The following PTGFRN variants were observed in gnomAD, a reference collection of about 807,000 sequenced individuals.
PTGFRN encodes prostaglandin F2 receptor inhibitor.
A neutral mutation model predicts 83.2 loss-of-function variants in PTGFRN; 35 were observed. The observed-to-expected ratio is 0.42, with a 90% CI of 0.32 to 0.56. The LOEUF is 0.56. PTGFRN is among the 20% of genes least tolerant of loss of function. PTGFRN has a pLI of 0.11. For synonymous variants in PTGFRN, 519 were observed against 498.6 expected (o/e 1.04, Z -0.55); for missense variants, 1,051 against 1,179.5 (o/e 0.89, Z 1.60).
chr1:116,935,286 GTTAC>G (rs1014879858), intron 1 of PTGFRN, among the ~76,000 whole-genome samples: 6 of 152,162 alleles, frequency 3.9e-5, no homozygotes, highest in Admixed American at 3.9e-4. Context: ...GAAGCTCTGA[GTTAC>G]TTACTTCTAC....
At chr1:116,910,524 T>A (rs1352545884) in intron 1 of PTGFRN, among the ~76,000 whole-genome samples, 3 of 151,128 alleles carry the variant, frequency 2.0e-5, no homozygotes, top group African/African-American at 7.3e-5. Flanking sequence ...CCGGGGGGAG[T>A]GGCCCGGGGC....
rs1023970536 is a variant in PTGFRN at position 116,989,556 on chromosome 1, C to T, written c.*2589C>T. 3 of 152,554 alleles carry T rather than the reference C, an allele frequency of 2.0e-5. No homozygotes were observed. Among genetic ancestry groups the T allele is most frequent in the African/African-American group, 7.2e-5 (3 of 41,418 alleles). 9.5% of individuals were successfully genotyped at this position (152,554 alleles called of 1,614,324 possible). On this transcript the variant is annotated 3_prime_UTR_variant, in exon 9 of 9. Transcript: ENST00000393203. ...GCCGCGTCTCACACAGGTGGAATTGCACTTCTTAACAAAAAGGAACTTTAT... is the reference window on the plus strand; with the variant it reads ...GCCGCGTCTCACACAGGTGGAATTGTACTTCTTAACAAAAAGGAACTTTAT...
intron 1 of PTGFRN, among the ~76,000 whole-genome samples, 159 bp downstream of exon 1, chr1:116,910,411 A>T (rs1649236669): frequency 6.7e-6 from 1 of 148,316 alleles, no homozygotes; most frequent in Non-Finnish European, 1.5e-5. Flanking sequence ...CCCGGCGGGG[A>T]GCGGCCGCGG....
intron 6 of PTGFRN, among the ~76,000 whole-genome samples, chr1:116,968,283 A>AG (rs35719577): frequency 0.17 from 26,028 of 152,140 alleles, 2,418 homozygotes; most frequent in Middle Eastern, 0.24. Flanking sequence ...CAATTGAATC[A>AG]TACAATGAAT....
At chr1:116,948,653 A>G (rs1650260240) in intron 3 of PTGFRN, among the ~76,000 whole-genome samples, 1 of 152,226 alleles carries the variant, frequency 6.6e-6, no homozygotes, top group South Asian at 2.1e-4. Context: ...TGTACCAGTC[A>G]GAAGCAAGTC....
intron 3 of PTGFRN, among the ~76,000 whole-genome samples, chr1:116,946,561 T>A (rs1315199413): frequency 6.6e-6 from 1 of 152,232 alleles, no homozygotes; most frequent in East Asian, 1.9e-4. Flanking sequence ...TAAAGACATT[T>A]TTTGTTTCAA....
chr1:116,944,710 C>T lies in PTGFRN; in HGVS notation c.450C>T (p.Ser150=). Residue 150 remains serine (S), a synonymous_variant, in exon 3 of 9, where the codon AGC becomes AGT. Transcript: ENST00000393203. ...CCGACTCCCTGCACGTGGGCCCCAG[C>T]GCGCGGCCCCCGCCGAGCCTGAGCC... is the stretch of plus-strand genomic sequence containing the variant. ...VLADSLHVGP[S]ARPPPSLSLR... The T allele has an allele frequency of 2.8e-6, 4 of 1,416,926 alleles. No individual in the cohort carries two copies. The highest frequency in any genetic ancestry group is 2.7e-6 in the Non-Finnish European group (3 of 1,091,086). The allele number at this position is 1,416,926 out of a possible 1,614,324, so 87.8% of individuals were successfully genotyped here. A position where few individuals can be genotyped will look rare whatever the true frequency, so the allele number is the denominator to read the frequency against.
rs1301877451 is a variant in PTGFRN, at chr1:116,988,823, G to A, written c.*1856G>A. 6.6e-6 allele frequency: 1 copy of A among 152,506 alleles called. No homozygotes were observed. Among genetic ancestry groups the A allele is most frequent in the African/African-American group, 2.4e-5 (1 of 41,450 alleles). 9.4% of individuals were successfully genotyped at this position (152,506 alleles called of 1,614,324 possible). On this transcript the variant is annotated 3_prime_UTR_variant, in exon 9 of 9. Transcript: ENST00000393203. ...AGCCTTTCCTTGGCCCGGGCCTGTGGTGGGAAGACGGGCAACAAGTATACC... is the reference window on the plus strand; with the variant it reads ...AGCCTTTCCTTGGCCCGGGCCTGTGATGGGAAGACGGGCAACAAGTATACC...
At chr1:116,931,999 T>C (rs1311795970) in intron 1 of PTGFRN, among the ~76,000 whole-genome samples, 1 of 152,210 alleles carries the variant, frequency 6.6e-6, no homozygotes, top group African/African-American at 2.4e-5. Context: ...ATCTTACAAA[T>C]GGTTCAGATT....
intron 1 of PTGFRN, among the ~76,000 whole-genome samples, chr1:116,921,671 T>G (rs980358867): frequency 1.1e-4 from 16 of 152,282 alleles, no homozygotes; most frequent in Middle Eastern, 3.4e-3. Context: ...AAGGGAATAT[T>G]GACTCTGTTT....
intron 4 of PTGFRN, 26 bp downstream of exon 4, chr1:116,949,598 A>T: frequency 6.3e-7 from 1 of 1,594,158 alleles, no homozygotes; most frequent in Admixed American, 1.7e-5. Context: ...AATGACTCTT[A>T]ACCTCTTCAG....
At chr1:116,976,404 T>G (rs773162912) in intron 7 of PTGFRN, among the ~76,000 whole-genome samples, 3 of 152,090 alleles carry the variant, frequency 2.0e-5, no homozygotes, top group African/African-American at 4.8e-5. Flanking sequence ...GAAGAGGAAC[T>G]CCAAGACACA....
chr1:116,986,721 G>C (rs1389610287), intron 8 of PTGFRN, 80 bp from the exon 9 acceptor site: 1 of 1,409,992 alleles, frequency 7.1e-7, no homozygotes, highest in Non-Finnish European at 9.9e-7. Context: ...CTGCTCCAGT[G>C]GGGAAGGGAG....
chr1:116,910,329 C>T (rs1425751123), intron 1 of PTGFRN, 77 bp downstream of exon 1: 2 of 1,211,808 alleles, frequency 1.7e-6, no homozygotes, highest in Admixed American at 8.7e-5. Flanking sequence ...GCGGCTGCAG[C>T]GCGCGGCCTG....
intron 5 of PTGFRN, among the ~76,000 whole-genome samples, chr1:116,962,909 A>G (rs188867513): frequency 2.0e-5 from 3 of 152,230 alleles, no homozygotes; most frequent in South Asian, 2.1e-4. Context: ...AATGGTGTAC[A>G]TTATGATAGC....
chr1:116,953,431 ATG>A (rs1235933064), intron 4 of PTGFRN, among the ~76,000 whole-genome samples: 8 of 152,186 alleles, frequency 5.3e-5, no homozygotes, highest in South Asian at 2.1e-4. Flanking sequence ...GTCAGGAGAC[ATG>A]TGTTAGTCCT....
At chr1:116,980,106 T>G (rs1005453339) in intron 7 of PTGFRN, among the ~76,000 whole-genome samples, 3 of 151,940 alleles carry the variant, frequency 2.0e-5, no homozygotes, top group African/African-American at 7.3e-5. Flanking sequence ...AACAGACACA[T>G]GAAAAAACGC....
rs141040022 is a variant in PTGFRN, at chr1:116,922,291, A to G, written c.49+12039A>G. On this transcript the variant is annotated intron_variant, in intron 1 of 8. Coordinates refer to ENST00000393203, the MANE Select transcript of PTGFRN (RefSeq NM_020440.4). ...CAAAACAATTACTGATGTTCCCCCC[A>G]GATAGTTTATCAGAGCATTTCTTCA... Among the ~76,000 whole-genome samples, 152 of 152,296 alleles carry G rather than the reference A, an allele frequency of 1.0e-3. 1 individual carries two copies. Among genetic ancestry groups the G allele is most frequent in the African/African-American group, 3.4e-3 (142 of 41,554 alleles).
In PTGFRN at chr1:116,985,019, G is replaced by T. The variant is rs774830469; in HGVS notation, c.2473+34G>T. On this transcript the variant is annotated intron_variant, in intron 8 of 8. Transcript: ENST00000393203. ...GTCACCCAAATTTCTCAGTGTTTGG[G>T]AATGTCTTCTTCTTGTGCCAGGCTG... 3.2e-6 allele frequency: 5 copies of T among 1,575,098 alleles called. No homozygotes were observed. In the Admixed American group the frequency reaches 8.6e-5, roughly 27 times the overall value.
Sources: allele counts gnomAD v4.1 joint callset (sites outside exome capture counted in the v4.1 genomes callset), GRCh38; gene constraint gnomAD v4.1.1; transcripts MANE v1.5; gene names NCBI Gene and HGNC (gene_info 2026-07-23, HGNC 2026-07-21).